The following P3H2 variants were observed in gnomAD, a reference collection of about 807,000 sequenced individuals.
The protein encoded by P3H2 is leprecan-like 1.
In P3H2, 80 loss-of-function variants were observed where a neutral mutation model predicts 87.0. The observed-to-expected ratio is 0.92, with a 90% CI of 0.77 to 1.11. The LOEUF is 1.11. P3H2 is among the 50% of genes least tolerant of loss of function. The probability of loss-of-function intolerance (pLI) is 0.00; values close to 1 mark genes in which losing one functional copy is unlikely to be tolerated. For missense variants in P3H2, 1,001 were observed against 923.9 expected (o/e 1.08, Z -1.08); for synonymous variants, 367 against 359.3 (o/e 1.02, Z -0.24).
At chr3:189,968,850 G>C (rs1023376464) in intron 13 of P3H2, among the ~76,000 whole-genome samples, 2 of 152,160 alleles carry the variant, frequency 1.3e-5, no homozygotes, top group Admixed American at 6.5e-5. Flanking sequence ...GACCAGTGAT[G>C]ATGAGCTTTT....
Position 190,002,233 on chromosome 3 carries a change from A to T in P3H2, c.481-6791T>A, listed in dbSNP as rs891595215. On this transcript the variant is annotated intron_variant, in intron 1 of 14. Transcript: ENST00000319332. ...TCACAATTCAGTTATAAGAAAAAAC[A>T]GTTTATATCTCCTGACAAATTTATA... Among the ~76,000 whole-genome samples the T allele has an allele frequency of 5.9e-5, 9 of 151,988 alleles. No homozygotes were observed. The South Asian group carries it at 1.9e-3, about 31-fold the overall frequency.
At chr3:190,042,097 G>C (rs901573167) in intron 1 of P3H2, among the ~76,000 whole-genome samples, 2 of 152,180 alleles carry the variant, frequency 1.3e-5, no homozygotes, top group Non-Finnish European at 2.9e-5. Context: ...TGAATGCAAT[G>C]GTGGAGGAGT....
chr3:190,087,684 A>C (rs1043651326), intron 1 of P3H2, among the ~76,000 whole-genome samples: 1 of 152,214 alleles, frequency 6.6e-6, no homozygotes, highest in Admixed American at 6.5e-5. Flanking sequence ...AGATCTATAA[A>C]ATTCCATAAT....
chr3:190,031,729 C>CA (rs1228493717), intron 1 of P3H2, among the ~76,000 whole-genome samples: 1 of 116,982 alleles, frequency 8.5e-6, no homozygotes, highest in Non-Finnish European at 1.7e-5. Flanking sequence ...CTAATAGATA[C>CA]AATCAGATAA....
rs1448962159 is a variant in P3H2, at chr3:189,994,203, TCTTAAGG to T, written c.707_713del (p.Ala236GlufsTer26). ...ATTCTGTATCTTCAACGAAATATTC[TCTTAAGG>T]CTTGTTCGAAGTGCCTGATAGCCAT... is the stretch of plus-strand genomic sequence containing the variant. On this transcript the variant is annotated frameshift_variant, in exon 3 of 15. Coordinates refer to ENST00000319332, the MANE Select transcript of P3H2 (RefSeq NM_018192.4). LOFTEE classifies it high-confidence loss of function. 1 of 1,613,896 alleles carries T rather than the reference TCTTAAGG, an allele frequency of 6.2e-7. No individual in the cohort carries two copies. Among genetic ancestry groups the T allele is most frequent in the Non-Finnish European group, 8.5e-7 (1 of 1,179,894 alleles).
chr3:189,964,726 C>T (rs1028379141), intron 13 of P3H2, among the ~76,000 whole-genome samples: 4 of 152,202 alleles, frequency 2.6e-5, no homozygotes, highest in Non-Finnish European at 2.9e-5. Context: ...GGTGAGAACA[C>T]GACACCCCTT....
At chr3:189,981,520 T>C (rs1290867509) in intron 8 of P3H2, among the ~76,000 whole-genome samples, 1 of 152,136 alleles carries the variant, frequency 6.6e-6, no homozygotes. Flanking sequence ...GACCAGTAGG[T>C]TCCCAGAAAA....
intron 13 of P3H2, among the ~76,000 whole-genome samples, chr3:189,964,873 C>A (rs1407133862): frequency 6.6e-6 from 1 of 152,210 alleles, no homozygotes; most frequent in Non-Finnish European, 1.5e-5. Flanking sequence ...TACTGCTGGG[C>A]TCACTGAGCC....
Position 189,956,887 on chromosome 3 carries a change from C to T in P3H2, c.*1025G>A, listed in dbSNP as rs1352961526. ...GTAAGTACAAAACACCTCTTTTCAT[C>T]AGTGGACCCCACTCCTAGGCAACCT... On this transcript the variant is annotated 3_prime_UTR_variant, in exon 15 of 15. Transcript: ENST00000319332. 2.6e-6 allele frequency: 1 copy of T among 388,756 alleles called. No homozygotes were observed. The highest frequency in any genetic ancestry group is 4.5e-6 in the Non-Finnish European group (1 of 220,720). 24.1% of individuals were successfully genotyped at this position (388,756 alleles called of 1,614,324 possible).
At chr3:190,019,368 C>G (rs1020889381) in intron 1 of P3H2, among the ~76,000 whole-genome samples, 3 of 152,106 alleles carry the variant, frequency 2.0e-5, no homozygotes, top group Admixed American at 6.6e-5. Context: ...TTCAGAATAC[C>G]TGAGAGAGTT....
chr3:190,041,087 CT>C (rs1560375119), intron 1 of P3H2, among the ~76,000 whole-genome samples: 6 of 35,398 alleles, frequency 1.7e-4, no homozygotes, highest in Admixed American at 8.1e-4. Context: ...CACACTCTCT[CT>C]CTCTATATAT....
chr3:190,015,840 G>A (rs1560363259), intron 1 of P3H2, among the ~76,000 whole-genome samples: 1 of 152,288 alleles, frequency 6.6e-6, no homozygotes, highest in East Asian at 1.9e-4. Context: ...CTGAAGCTCT[G>A]CCCAAGGATA....
At chr3:189,986,686 T>C in intron 6 of P3H2, 102 bp downstream of exon 6, 1 of 837,286 alleles carries the variant, frequency 1.2e-6, no homozygotes, top group Non-Finnish European at 2.1e-6. Context: ...ATCGAAATCT[T>C]AGCTTTTTGA....
At chr3:189,959,945 G>C (rs1427236605) in intron 14 of P3H2, among the ~76,000 whole-genome samples, 3 of 150,096 alleles carry the variant, frequency 2.0e-5, no homozygotes, top group African/African-American at 7.4e-5. Flanking sequence ...CTTTCCACTA[G>C]TTAGAATACA....
intron 3 of P3H2, among the ~76,000 whole-genome samples, chr3:189,991,237 A>C (rs76823445): frequency 6.6e-6 from 1 of 152,336 alleles, no homozygotes; most frequent in East Asian, 1.9e-4. Flanking sequence ...ATCCTCAATA[A>C]TTGAGATTGC....
chr3:190,121,159 T>A (rs1199747003), upstream of P3H2: 2 of 165,818 alleles, frequency 1.2e-5, no homozygotes, highest in Non-Finnish European at 2.6e-5. Flanking sequence ...AAAATCCAGC[T>A]TAGCAAGGTT....
At chr3:189,995,247 C>A (rs1368101200) in intron 2 of P3H2, 43 bp downstream of exon 2, 2 of 1,603,508 alleles carry the variant, frequency 1.2e-6, no homozygotes, top group Admixed American at 3.3e-5. Context: ...AACTTAGGAG[C>A]ACTTAGCTCC....
Position 189,972,938 on chromosome 3 carries a change from A to G in P3H2, c.1635T>C (p.Tyr545=), listed in dbSNP as rs61745247. The change falls in exon 11 of 15, where the codon TAT becomes TAC. Residue 545 remains tyrosine (Y), a synonymous_variant. Coordinates refer to ENST00000319332, the MANE Select transcript of P3H2 (RefSeq NM_018192.4). ...AATACAGAGTTGAGTTCAGCATAAA[A>G]TAAGATTCTACAATCCTTCGAGCCT... The part of the protein sequence containing the change: ...SEKARRIVES[Y]FMLNSTLYFS... The G allele has an allele frequency of 5.5e-5, 89 of 1,613,984 alleles. No homozygotes were observed. The highest frequency in any genetic ancestry group is 6.8e-5 in the Non-Finnish European group (80 of 1,179,982).
At chr3:190,009,075 T>C (rs1177994135) in intron 1 of P3H2, among the ~76,000 whole-genome samples, 4 of 151,998 alleles carry the variant, frequency 2.6e-5, no homozygotes, top group Non-Finnish European at 5.9e-5. Flanking sequence ...CAGGCAGAGG[T>C]GCTGGGAAGG....
Sources: allele counts gnomAD v4.1 joint callset (sites outside exome capture counted in the v4.1 genomes callset), GRCh38; gene constraint gnomAD v4.1.1; transcripts MANE v1.5; gene names NCBI Gene and HGNC (gene_info 2026-07-23, HGNC 2026-07-21).